The following ADAM33 variants were observed in gnomAD, a reference collection of about 807,000 sequenced individuals.
ADAM33 encodes the protein disintegrin and metalloproteinase domain-containing protein 33.
In ADAM33, 103 loss-of-function variants were observed where a neutral mutation model predicts 106.2. The ratio of observed to expected loss-of-function variants is 0.97; its 90% confidence interval spans 0.83 to 1.14. The LOEUF (loss-of-function observed/expected upper bound fraction) is 1.14. ADAM33 is among the 50% of genes most tolerant of loss of function. ADAM33 has a pLI of 0.00. For synonymous variants in ADAM33, 483 were observed against 453.0 expected, an observed-to-expected ratio of 1.07 and a Z score of -0.84; for missense variants, 1,120 against 1,096.6, an observed-to-expected ratio of 1.02 and a Z score of -0.30.
At position 3,674,125 on chromosome 20, in the gene ADAM33, C is replaced by T. The variant is rs148489537; in HGVS notation, c.677G>A (p.Arg226Gln). The T allele has an allele frequency of 5.6e-6, 9 of 1,614,058 alleles. No individual in the cohort carries two copies. The highest frequency in any genetic ancestry group is 3.3e-5 in the South Asian group (3 of 91,090). Residue 226 changes from arginine to glutamine, a missense_variant, in exon 8 of 22, where the codon CGG becomes CAG. Physicochemically the swap from Arg to Gln is conservative, Grantham distance 43 (BLOSUM62 1). Coordinates refer to ENST00000356518, the MANE Select transcript of ADAM33 (RefSeq NM_025220.5). ...TTTGGTGTGGTTCAAGTTTCGGTGCCGAGTCAAGAACTGGGAAGGCAGAAA... is the reference window on the plus strand; with the variant it reads ...TTTGGTGTGGTTCAAGTTTCGGTGCTGAGTCAAGAACTGGGAAGGCAGAAA... ...IVADHTLFLT[R>Q]HRNLNHTKQR...
In ADAM33 at chr20:3,675,027, C is replaced by T. The variant is rs371142706; in HGVS notation, c.333G>A (p.Thr111=). Residue 111 remains threonine (T), a splice_region_variant and synonymous_variant, in exon 4 of 22, where the codon ACG becomes ACA. Transcript: ENST00000356518. The surrounding 1 kb of genome is among the most constrained non-coding windows in gnomAD (Gnocchi z 4.1). ...CCCAGAGCCCATGGAAGCATCTCAC[C>T]GTGTGGTTGGGGGCCAGCACCACTG... ...GQPVVLAPNH[T]DHCHYQGRVR... 11 of 1,613,256 alleles carry T rather than the reference C, an allele frequency of 6.8e-6. No homozygotes were observed. The highest frequency in any genetic ancestry group is 2.7e-5 in the African/African-American group (2 of 74,906).
chr20:3,673,321 C>T, intron 11 of ADAM33, 33 bp downstream of exon 11: 3 of 1,536,214 alleles, frequency 2.0e-6, no homozygotes, highest in Non-Finnish European at 2.6e-6. Context: ...GGACTAGCCG[C>T]CCCGCCGCAG....
At position 3,681,943 on chromosome 20, in the gene ADAM33, A is replaced by G. The variant is rs779882682; in HGVS notation, c.62T>C (p.Leu21Pro). The G allele has an allele frequency of 1.3e-6, 2 of 1,574,980 alleles. No individual in the cohort carries two copies. The highest frequency in any genetic ancestry group is 3.7e-5 in the Admixed American group (2 of 54,650). ...TPLLLLLLLLLLWPVPGAGVL... is the reference protein window; with the variant it reads ...TPLLLLLLLLPLWPVPGAGVL... Reference sequence around the variant, plus strand: ...CCCGGCGCCTGGCACTGGCCAGAGCAGCAGCAGTAGTAGCAGCAGCAGCAA... The same window carrying G: ...CCCGGCGCCTGGCACTGGCCAGAGCGGCAGCAGTAGTAGCAGCAGCAGCAA... The change falls in exon 1 of 22, where the codon CTG becomes CCG. Residue 21 changes from leucine (L) to proline (P), a missense_variant. Transcript: ENST00000356518.
intron 15 of ADAM33, 40 bp downstream of exon 15, chr20:3,671,837 T>C: frequency 6.4e-7 from 1 of 1,551,244 alleles, no homozygotes; most frequent in Non-Finnish European, 8.7e-7. Context: ...CCAAACCCAC[T>C]CCATAGCTTC....
chr20:3,681,805 T>G, intron 1 of ADAM33, 103 bp downstream of exon 1: 178 of 1,444,248 alleles, frequency 1.2e-4, no homozygotes, highest in Non-Finnish European at 1.5e-4. Context: ...GCCGGGGCCG[T>G]GAGACCCTCC....
chr20:3,672,029 T>C, intron 14 of ADAM33, 44 bp from the exon 15 acceptor site: 1 of 1,553,170 alleles, frequency 6.4e-7, no homozygotes, highest in Non-Finnish European at 8.7e-7. Context: ...GGAGAGGGGC[T>C]GCGCTCAGCG....
In ADAM33 at chr20:3,672,239, C is replaced by T. The variant is rs774332374; in HGVS notation, c.1492G>A (p.Asp498Asn). Reference sequence around the variant, plus strand: ...GGTGAGCCGTCCAGTAGGTAAACGTCTGGGGGACAGTGGGAGGAGGTGCCC... The same window carrying T: ...GGTGAGCCGTCCAGTAGGTAAACGTTTGGGGGACAGTGGGAGGAGGTGCCC... Reference protein sequence around the residue: ...CTGTSSHCPPDVYLLDGSPCA... With the variant: ...CTGTSSHCPPNVYLLDGSPCA... Residue 498 changes from aspartate to asparagine, a missense_variant, in exon 14 of 22, where the codon GAC becomes AAC. Coordinates refer to ENST00000356518, the MANE Select transcript of ADAM33 (RefSeq NM_025220.5). 1 of 1,613,446 alleles carries T rather than the reference C, an allele frequency of 6.2e-7. No individual in the cohort carries two copies. Among genetic ancestry groups the T allele is most frequent in the Non-Finnish European group, 8.5e-7 (1 of 1,180,028 alleles).
chr20:3,669,131 C>T, intron 21 of ADAM33, 131 bp from the exon 22 acceptor site: 10 of 1,238,752 alleles, frequency 8.1e-6, no homozygotes, highest in Non-Finnish European at 1.2e-5. Context: ...CCTCCCCAGC[C>T]CAGGGGCTTC....
At position 3,675,530 on chromosome 20, in the gene ADAM33, G is replaced by A. The variant is rs934266634; in HGVS notation, c.255-425C>T. 1.3e-5 allele frequency among the ~76,000 whole-genome samples: 2 copies of A among 152,026 alleles called. No homozygotes were observed. Among genetic ancestry groups the A allele is most frequent in the Admixed American group, 6.6e-5 (1 of 15,262 alleles). On this transcript the variant is annotated intron_variant, in intron 3 of 21. Coordinates refer to ENST00000356518, the MANE Select transcript of ADAM33 (RefSeq NM_025220.5). This position sits in a 1 kb window ranked among gnomAD's most constrained non-coding sequence, Gnocchi z 4.1. The stretch of plus-strand genomic sequence containing the variant: ...CCTGCCTGCTGCCCTCCTTTGTTGG[G>A]CATCTGGTCGACCCTCTTGCCCCCA...
At chr20:3,678,085 A>G (rs1001801687) in intron 2 of ADAM33, among the ~76,000 whole-genome samples, 2 of 152,122 alleles carry the variant, frequency 1.3e-5, no homozygotes, top group African/African-American at 2.4e-5. Context: ...CAGGCCCCAC[A>G]AGGCCTCCAG....
Position 3,673,783 on chromosome 20 carries a change from C to T in ADAM33, c.867G>A (p.Leu289=). ...LWAFLQWRRG[L]WAQRPHDSAQ... is the part of the protein sequence containing the mutation. ...CGGAGTCGTGGGGCCGCTGCGCCCA[C>T]AGCCCCCGGCGCCACTGCAGGAAGG... The change falls in exon 9 of 22, where the codon CTG becomes CTA. Residue 289 remains leucine, a synonymous_variant. Coordinates refer to ENST00000356518, the MANE Select transcript of ADAM33 (RefSeq NM_025220.5). The T allele has an allele frequency of 6.5e-7, 1 of 1,532,930 alleles. No individual in the cohort carries two copies. The highest frequency in any genetic ancestry group is 1.2e-5 in the South Asian group (1 of 83,928). The allele number at this position is 1,532,930 out of a possible 1,614,324, so 95.0% of individuals were successfully genotyped here. A position where few individuals can be genotyped will look rare whatever the true frequency, so the allele number is the denominator to read the frequency against.
At chr20:3,681,830 G>T (rs1340085078) in intron 1 of ADAM33, 78 bp downstream of exon 1, 2 of 1,522,026 alleles carry the variant, frequency 1.3e-6, no homozygotes, top group Non-Finnish European at 1.8e-6. Context: ...GCTGACCCGA[G>T]CTCTGAGCAG....
At chr20:3,680,001 C>T (rs2088341654) in intron 1 of ADAM33, among the ~76,000 whole-genome samples, 1 of 152,184 alleles carries the variant, frequency 6.6e-6, no homozygotes, top group Admixed American at 6.5e-5. Context: ...CCCCCATCAT[C>T]TGAGAAAAAC....
chr20:3,671,597 T>C lies in ADAM33; in HGVS notation c.1889A>G (p.Gln630Arg). ...LGLGLVEPGT[Q>R]CGPRMVCQSR... ...AGAGCTCACCATTCTAGGTCCACAC[T>C]GGGTGCCTGGCTCTACCAGGCCCAG... Residue 630 changes from glutamine (Q) to arginine (R), a missense_variant, in exon 16 of 22, where the codon CAG (glutamine) becomes CGG (arginine). Gln to Arg is a conservative substitution (Grantham distance 43). Coordinates refer to ENST00000356518, the MANE Select transcript of ADAM33 (RefSeq NM_025220.5). 6.9e-6 allele frequency: 11 copies of C among 1,590,008 alleles called. No homozygotes were observed. Among genetic ancestry groups the C allele is most frequent in the African/African-American group, 1.3e-5 (1 of 74,328 alleles).
intron 1 of ADAM33, among the ~76,000 whole-genome samples, chr20:3,679,960 A>T (rs895940017): frequency 1.3e-5 from 2 of 152,124 alleles, no homozygotes; most frequent in African/African-American, 4.8e-5. Flanking sequence ...CTTTAGGGTG[A>T]GAGATGTACG....
intron 13 of ADAM33, 62 bp from the exon 14 acceptor site, chr20:3,672,391 C>T (rs983277774): frequency 3.9e-5 from 62 of 1,586,178 alleles, no homozygotes; most frequent in Non-Finnish European, 4.3e-5. Flanking sequence ...GAGGTCCATG[C>T]CGAGAGCGCG....
rs554554513 is a variant in ADAM33, at chr20:3,674,814, G to A, written c.369C>T (p.Phe123=). 1 of 1,611,468 alleles carries A rather than the reference G, an allele frequency of 6.2e-7. No homozygotes were observed. Among genetic ancestry groups the A allele is most frequent in the South Asian group, 1.1e-5 (1 of 90,658 alleles). Residue 123 remains phenylalanine, a synonymous_variant, in exon 5 of 22, where the codon TTC becomes TTT. Coordinates refer to ENST00000356518, the MANE Select transcript of ADAM33 (RefSeq NM_025220.5). ...TGCAGAGGACTACCCAGGAGTCGGG[G>A]AAGCCCCTTACTCGCCCTTGGTAGT... ...HCHYQGRVRG[F]PDSWVVLCTC...
chr20:3,671,101 G>C lies in ADAM33; in HGVS notation c.2145C>G (p.Leu715=), dbSNP rs777164011. ...AMLLSVLLPL[L]PGAGLAWCCY... ...AACACCAGGCCAGGCCGGCCCCTGG[G>C]AGCAGAGGCAGCAGGACGCTGAGGA... The change falls in exon 19 of 22, where the codon CTC becomes CTG. Residue 715 remains leucine (L), a synonymous_variant. Transcript: ENST00000356518. 4 of 1,600,022 alleles carry C rather than the reference G, an allele frequency of 2.5e-6. No homozygotes were observed. Among genetic ancestry groups the C allele is most frequent in the Non-Finnish European group, 3.4e-6 (4 of 1,173,428 alleles).
intron 19 of ADAM33, chr20:3,670,068 T>C: frequency 3.5e-6 from 1 of 283,186 alleles, no homozygotes; most frequent in African/African-American, 2.2e-5. Context: ...TGTCATTTCC[T>C]GTGATGTTCC....
Sources: allele counts gnomAD v4.1 joint callset (sites outside exome capture counted in the v4.1 genomes callset), GRCh38; gene constraint gnomAD v4.1.1; non-coding constraint Gnocchi (gnomAD v3.1); transcripts MANE v1.5; gene names NCBI Gene and HGNC (gene_info 2026-07-23, HGNC 2026-07-21).